CCSER1: variants seen among roughly 807,000 people sequenced by gnomAD.
CCSER1 encodes coiled-coil serine rich protein 1.
In CCSER1, 41 loss-of-function variants were observed where a neutral mutation model predicts 82.0. The ratio of observed to expected loss-of-function variants is 0.50; its 90% CI spans 0.39 to 0.65. CCSER1 has a LOEUF of 0.65. Ranked by LOEUF, CCSER1 falls within the 30% of genes least tolerant of loss-of-function variation. The probability of loss-of-function intolerance (pLI) is 0.00; values close to 1 mark genes in which losing one functional copy is unlikely to be tolerated. For missense variants in CCSER1, 1,119 were observed against 1,064.2 expected, an observed-to-expected ratio of 1.05 and a Z score of -0.72; for synonymous variants, 414 against 383.9, an observed-to-expected ratio of 1.08 and a Z score of -0.92.
chr4:90,877,873 G>A (rs536880403), intron 8 of CCSER1, among the ~76,000 whole-genome samples: 13 of 152,090 alleles, frequency 8.5e-5, no homozygotes, highest in African/African-American at 2.9e-4. Context: ...AGCTATTTTA[G>A]TCCCTTAGTC....
At chr4:90,925,588 C>G (rs1187619291) in intron 9 of CCSER1, among the ~76,000 whole-genome samples, 1 of 152,084 alleles carries the variant, frequency 6.6e-6, no homozygotes, top group Non-Finnish European at 1.5e-5. Flanking sequence ...ATTCTAACAC[C>G]ATAGTTACCA....
At chr4:90,373,011 A>T (rs1747708906) in intron 3 of CCSER1, among the ~76,000 whole-genome samples, 1 of 151,204 alleles carries the variant, frequency 6.6e-6, no homozygotes, top group Non-Finnish European at 1.5e-5. Context: ...TTATTAAGTC[A>T]CACTACTATT....
At chr4:90,458,153 C>A (rs1762420452) in intron 4 of CCSER1, among the ~76,000 whole-genome samples, 2 of 152,250 alleles carry the variant, frequency 1.3e-5, no homozygotes, top group Non-Finnish European at 1.5e-5. Flanking sequence ...ATTCCTGAGT[C>A]CATAGCCGCA....
intron 3 of CCSER1, among the ~76,000 whole-genome samples, chr4:90,384,582 G>A (rs931181996): frequency 1.3e-5 from 2 of 151,904 alleles, no homozygotes; most frequent in African/African-American, 4.8e-5. Context: ...TTACATTCTG[G>A]TGATTTCTAA....
intron 8 of CCSER1, among the ~76,000 whole-genome samples, chr4:90,855,512 G>A (rs1054813711): frequency 6.6e-6 from 1 of 152,042 alleles, no homozygotes; most frequent in African/African-American, 2.4e-5. Flanking sequence ...TTGGAGTTTA[G>A]ATATTAAATC....
At chr4:90,568,927 T>C (rs1049780581) in intron 5 of CCSER1, among the ~76,000 whole-genome samples, 18 of 151,640 alleles carry the variant, frequency 1.2e-4, no homozygotes, top group African/African-American at 4.3e-4. Flanking sequence ...ACCACCACGC[T>C]CGGCTAATTT....
chr4:90,477,065 C>T (rs985698726), intron 5 of CCSER1, among the ~76,000 whole-genome samples: 1 of 152,084 alleles, frequency 6.6e-6, no homozygotes, highest in South Asian at 2.1e-4. Flanking sequence ...AGCATGGTGC[C>T]AACTTTCAAT....
intron 8 of CCSER1, among the ~76,000 whole-genome samples, chr4:90,871,267 T>G (rs1211402249): frequency 6.6e-6 from 1 of 151,806 alleles, no homozygotes; most frequent in Non-Finnish European, 1.5e-5. Flanking sequence ...AGATGTATTG[T>G]TAGCTTGTTC....
intron 5 of CCSER1, among the ~76,000 whole-genome samples, chr4:90,479,700 A>C (rs923351893): frequency 6.6e-6 from 1 of 152,200 alleles, no homozygotes; most frequent in African/African-American, 2.4e-5. Flanking sequence ...TACAAAGGAC[A>C]TGAACTCATC....
intron 1 of CCSER1, among the ~76,000 whole-genome samples, chr4:90,264,216 A>G (rs1025099568): frequency 1.3e-4 from 20 of 152,110 alleles, no homozygotes; most frequent in African/African-American, 4.6e-4. Context: ...TTACAGTCCC[A>G]ATTTGTAAAT....
intron 7 of CCSER1, among the ~76,000 whole-genome samples, chr4:90,791,646 C>G (rs1269645473): frequency 6.6e-6 from 1 of 151,996 alleles, no homozygotes; most frequent in Non-Finnish European, 1.5e-5. Flanking sequence ...GTCAGGAGAT[C>G]AAGACCATCC....
At chr4:90,544,928 T>A (rs1776581880) in intron 5 of CCSER1, among the ~76,000 whole-genome samples, 1 of 152,158 alleles carries the variant, frequency 6.6e-6, no homozygotes, top group Non-Finnish European at 1.5e-5. Context: ...ATTTTTATCA[T>A]CTCTGTCTTT....
At chr4:90,833,697 A>C (rs1761421519) in intron 8 of CCSER1, among the ~76,000 whole-genome samples, 1 of 152,208 alleles carries the variant, frequency 6.6e-6, no homozygotes. Flanking sequence ...ATACATTTGT[A>C]ATCTCTCAAT....
chr4:90,374,175 G>A (rs1184924766), intron 3 of CCSER1, among the ~76,000 whole-genome samples: 1 of 152,170 alleles, frequency 6.6e-6, no homozygotes, highest in Non-Finnish European at 1.5e-5. Flanking sequence ...TTCTAGAATA[G>A]GATCGATGAG....
At chr4:91,579,743 G>C (rs2110308863) in intron 10 of CCSER1, among the ~76,000 whole-genome samples, 1 of 151,914 alleles carries the variant, frequency 6.6e-6, no homozygotes, top group South Asian at 2.1e-4. Context: ...GTGCAAAGAT[G>C]AAGGAATGTA....
chr4:90,992,348 A>G (rs560234772), intron 9 of CCSER1, among the ~76,000 whole-genome samples: 1 of 152,222 alleles, frequency 6.6e-6, no homozygotes, highest in East Asian at 1.9e-4. Context: ...CATACAAAAA[A>G]TATTTAAAAT....
Position 90,460,181 on chromosome 4 carries a change from C to T in CCSER1, c.1604-8053C>T, listed in dbSNP as rs1235700999. Among the ~76,000 whole-genome samples the T allele has an allele frequency of 1.3e-4, 19 of 147,846 alleles. 1 individual carries two copies. Among genetic ancestry groups the T allele is most frequent in the African/African-American group, 1.0e-4 (4 of 38,272 alleles). Reference sequence around the variant, plus strand: ...CTCTACTAAAAATACAAAAATTAGCCGGGCATGGTGGCGCGTGCCTGTAGT... The same window carrying T: ...CTCTACTAAAAATACAAAAATTAGCTGGGCATGGTGGCGCGTGCCTGTAGT... On this transcript the variant is annotated intron_variant, in intron 4 of 10. Transcript: ENST00000509176.
intron 5 of CCSER1, among the ~76,000 whole-genome samples, chr4:90,521,270 A>G (rs1342410375): frequency 1.3e-5 from 2 of 152,172 alleles, no homozygotes; most frequent in Non-Finnish European, 2.9e-5. Context: ...TAACCTAACC[A>G]ATTAGTAAGG....
At chr4:90,179,792 T>A (rs1429056792) in intron 1 of CCSER1, among the ~76,000 whole-genome samples, 2 of 151,736 alleles carry the variant, frequency 1.3e-5, no homozygotes, top group Non-Finnish European at 2.9e-5. Flanking sequence ...CTTAACATAA[T>A]TTCCCTTTAC....
Sources: gnomAD v4.1 joint callset for allele counts (sites outside exome capture counted in the v4.1 genomes callset) on GRCh38, gnomAD v4.1.1 for gene constraint, MANE v1.5 for transcripts, NCBI Gene and HGNC (gene_info 2026-07-23, HGNC 2026-07-21) for gene names.